Variants in MAP2K6 observed in about 807,000 individuals in gnomAD.
MAP2K6 encodes mitogen-activated protein kinase kinase 6.
MAP2K6 carries 16 observed loss-of-function variants against 53.7 expected under a neutral mutation model. The ratio of observed to expected loss-of-function variants is 0.30; its 90% CI spans 0.20 to 0.45. The LOEUF is 0.45. Among genes scored for constraint, MAP2K6 ranks in the 20% least tolerant of loss-of-function variants. The pLI is 1.00. For missense variants in MAP2K6, 204 were observed against 411.9 expected, an observed-to-expected ratio of 0.50 and a Z score of 4.37; for synonymous variants, 132 against 143.1, an observed-to-expected ratio of 0.92 and a Z score of 0.55.
chr17:69,450,180 T>C (rs1441197801), intron 1 of MAP2K6, among the ~76,000 whole-genome samples: 1 of 151,094 alleles, frequency 6.6e-6, no homozygotes, highest in Non-Finnish European at 1.5e-5. Flanking sequence ...CTTGAACTCC[T>C]GACCTCAGGT....
At chr17:69,441,694 T>A (rs1379949663) in intron 1 of MAP2K6, among the ~76,000 whole-genome samples, 2 of 152,248 alleles carry the variant, frequency 1.3e-5, no homozygotes, top group Non-Finnish European at 2.9e-5. Flanking sequence ...CATTTTGTGA[T>A]ATCCGATTCT....
rs2039115092 is a variant in MAP2K6 at position 69,548,183 on chromosome 17, C to G, written c.*6430C>G. 6.6e-6 allele frequency: 1 copy of G among 152,126 alleles called. No individual in the cohort carries two copies. Among genetic ancestry groups the G allele is most frequent in the African/African-American group, 2.4e-5 (1 of 41,428 alleles). The allele number at this position is 152,126 out of a possible 1,614,324, so 9.4% of individuals were successfully genotyped here. On this transcript the variant is annotated 3_prime_UTR_variant, in exon 12 of 12. Coordinates refer to ENST00000590474, the MANE Select transcript of MAP2K6 (RefSeq NM_002758.4). ...CCACAAAAGTGAGAGGAGTACTTCTCTTTTTTTAAATCATCAGTAAATTTC... is the reference window on the plus strand; with the variant it reads ...CCACAAAAGTGAGAGGAGTACTTCTGTTTTTTTAAATCATCAGTAAATTTC...
At chr17:69,448,485 C>T (rs1161011466) in intron 1 of MAP2K6, among the ~76,000 whole-genome samples, 1 of 152,114 alleles carries the variant, frequency 6.6e-6, no homozygotes, top group African/African-American at 2.4e-5. Context: ...GTCTGTGGTT[C>T]CCCCATGGCT....
chr17:69,454,939 T>C (rs978247780), intron 1 of MAP2K6, among the ~76,000 whole-genome samples: 1 of 152,200 alleles, frequency 6.6e-6, no homozygotes, highest in Non-Finnish European at 1.5e-5. Flanking sequence ...TCTAATCTTA[T>C]GACACTGAAT....
At chr17:69,522,390 GAAAATATGTAAGGTATA>G (rs2145263802) in intron 7 of MAP2K6, among the ~76,000 whole-genome samples, 1 of 152,206 alleles carries the variant, frequency 6.6e-6, no homozygotes, top group Non-Finnish European at 1.5e-5. Context: ...TCATATTAGA[GAAAATATGTAAGGTATA>G]AAAATAATAA....
In MAP2K6 at chr17:69,545,163, A is replaced by C. The variant is rs1911829089; in HGVS notation, c.*3410A>C. 6.7e-6 allele frequency: 1 copy of C among 149,030 alleles called. No homozygotes were observed. The highest frequency in any genetic ancestry group is 2.5e-5 in the African/African-American group (1 of 40,378). The allele number at this position is 149,030 out of a possible 1,614,324, so 9.2% of individuals were successfully genotyped here. A position where few individuals can be genotyped will look rare whatever the true frequency, so the allele number is the denominator to read the frequency against. The stretch of plus-strand genomic sequence containing the variant: ...AAGATTTCCACACCCCGCCCCCACC[A>C]CCCCTGCCCAAAGTGCATGATTATT... On this transcript the variant is annotated 3_prime_UTR_variant, in exon 12 of 12. Coordinates refer to ENST00000590474, the MANE Select transcript of MAP2K6 (RefSeq NM_002758.4).
At chr17:69,516,974 TA>T in intron 3 of MAP2K6, 71 bp downstream of exon 3, 1 of 1,235,574 alleles carries the variant, frequency 8.1e-7, no homozygotes, top group Admixed American at 1.8e-5. Context: ...CTGAAAAATT[TA>T]TTTTCCCTAG....
At chr17:69,443,373 T>G (rs2145150285) in intron 1 of MAP2K6, among the ~76,000 whole-genome samples, 1 of 152,286 alleles carries the variant, frequency 6.6e-6, no homozygotes, top group Admixed American at 6.5e-5. Flanking sequence ...TTCTTCCCAT[T>G]TGGCCAGGTT....
At chr17:69,491,947 A>G (rs1407473990) in intron 1 of MAP2K6, among the ~76,000 whole-genome samples, 2 of 152,000 alleles carry the variant, frequency 1.3e-5, no homozygotes, top group African/African-American at 2.4e-5. Flanking sequence ...AGCCACATGT[A>G]TATCTTCTTT....
rs181840173 is a variant in MAP2K6, at chr17:69,469,145, C to T, written c.17-36635C>T. On this transcript the variant is annotated intron_variant, in intron 1 of 11. Coordinates refer to ENST00000590474, the MANE Select transcript of MAP2K6 (RefSeq NM_002758.4). Reference sequence around the variant, plus strand: ...TTGCTGGCTGTCAGTTGAGGACTGTCGCTAGGTTCTAGGGGCCACATGCAT... The same window carrying T: ...TTGCTGGCTGTCAGTTGAGGACTGTTGCTAGGTTCTAGGGGCCACATGCAT... 4.8e-3 allele frequency among the ~76,000 whole-genome samples: 737 copies of T among 152,258 alleles called. 6 individuals are homozygous for T. Among genetic ancestry groups the T allele is most frequent in the Non-Finnish European group, 7.7e-3 (521 of 68,024 alleles).
intron 2 of MAP2K6, among the ~76,000 whole-genome samples, chr17:69,507,481 C>T (rs1909565453): frequency 6.6e-6 from 1 of 152,190 alleles, no homozygotes; most frequent in Non-Finnish European, 1.5e-5. Flanking sequence ...ATCAAACCCA[C>T]CTCTTCTCCC....
chr17:69,421,045 C>T (rs817541), intron 1 of MAP2K6, among the ~76,000 whole-genome samples: 58,563 of 152,004 alleles, frequency 0.39, 11,804 homozygotes, highest in Middle Eastern at 0.46. Context: ...GTAACTAAAC[C>T]TTTTCTTATA....
chr17:69,464,697 T>A (rs1033770754), intron 1 of MAP2K6, among the ~76,000 whole-genome samples: 53 of 152,054 alleles, frequency 3.5e-4, no homozygotes, highest in African/African-American at 1.2e-3. Flanking sequence ...AAGATGTCCT[T>A]TTATCTTTGA....
intron 1 of MAP2K6, among the ~76,000 whole-genome samples, chr17:69,484,139 A>G (rs1217028354): frequency 6.6e-6 from 1 of 152,112 alleles, no homozygotes; most frequent in African/African-American, 2.4e-5. Flanking sequence ...CACAATCAGG[A>G]AAGTGAAAAG....
chr17:69,483,622 T>C (rs537412470), intron 1 of MAP2K6, among the ~76,000 whole-genome samples: 3 of 151,978 alleles, frequency 2.0e-5, no homozygotes, highest in Non-Finnish European at 1.5e-5. Context: ...ATAAGATAAT[T>C]TAAAGGCCTC....
intron 2 of MAP2K6, among the ~76,000 whole-genome samples, chr17:69,506,965 T>C (rs1035997258): frequency 1.4e-4 from 21 of 151,134 alleles, no homozygotes; most frequent in African/African-American, 4.4e-4. Flanking sequence ...TTTTTTTTTC[T>C]TTTTTTTTCG....
chr17:69,435,967 C>T (rs1178816491), intron 1 of MAP2K6, among the ~76,000 whole-genome samples: 2 of 149,094 alleles, frequency 1.3e-5, no homozygotes, highest in African/African-American at 5.0e-5. Context: ...TGTGCCCAGC[C>T]GAAAAAACAA....
chr17:69,471,741 A>G (rs1457618309), intron 1 of MAP2K6, among the ~76,000 whole-genome samples: 2 of 152,252 alleles, frequency 1.3e-5, no homozygotes, highest in East Asian at 3.8e-4. Context: ...AATAATTCAT[A>G]TGTTAAAAAA....
intron 1 of MAP2K6, among the ~76,000 whole-genome samples, chr17:69,503,890 G>C (rs1909309696): frequency 6.6e-6 from 1 of 152,216 alleles, no homozygotes; most frequent in African/African-American, 2.4e-5. Context: ...CTGAGAGTCA[G>C]ATGAAAAGTG....
Sources: gnomAD v4.1 joint callset for allele counts (sites outside exome capture counted in the v4.1 genomes callset) on GRCh38, gnomAD v4.1.1 for gene constraint, MANE v1.5 for transcripts, NCBI Gene and HGNC (gene_info 2026-07-23, HGNC 2026-07-21) for gene names.